LGALS3: variants seen among roughly 807,000 people sequenced by gnomAD.
LGALS3 encodes the protein galectin-3.
LGALS3 carries 18 observed loss-of-function variants against 20.7 expected under a neutral mutation model. That is an observed-to-expected ratio of 0.87 (90% CI 0.60 to 1.29). The LOEUF (loss-of-function observed/expected upper bound fraction) is 1.29, where lower values mean the gene tolerates loss of function less well. Among genes scored for constraint, LGALS3 ranks in the 50% most tolerant of loss-of-function variants. The pLI is 0.00. For synonymous variants in LGALS3, 112 were observed against 119.6 expected (o/e 0.94, Z 0.42); for missense variants, 315 against 314.7 (o/e 1.00, Z -0.01).
chr14:55,140,049 C>T (rs17128230), intron 3 of LGALS3, among the ~76,000 whole-genome samples: 12,822 of 151,350 alleles, frequency 0.085, 1,403 homozygotes, highest in African/African-American at 0.25. Flanking sequence ...TTGGGATGGC[C>T]GTAGTAATGA....
At chr14:55,133,175 T>C (rs1881280861) in intron 1 of LGALS3, among the ~76,000 whole-genome samples, 1 of 150,176 alleles carries the variant, frequency 6.7e-6, no homozygotes, top group Admixed American at 6.6e-5. Flanking sequence ...GACTGTACTT[T>C]AAAATTTCAA....
At chr14:55,140,567 T>C (rs1881585614) in intron 4 of LGALS3, 1 of 480,158 alleles carries the variant, frequency 2.1e-6, no homozygotes, top group African/African-American at 2.0e-5. Context: ...ATAATTTTGC[T>C]AAGCATCATG....
chr14:55,131,040 T>G (rs906336636), intron 1 of LGALS3, among the ~76,000 whole-genome samples: 10 of 152,234 alleles, frequency 6.6e-5, no homozygotes, highest in Admixed American at 5.2e-4. Flanking sequence ...TACCCCATCC[T>G]TGATCTTTGG....
chr14:55,144,520 G>A (rs1594656115), intron 5 of LGALS3, among the ~76,000 whole-genome samples: 2 of 129,674 alleles, frequency 1.5e-5, no homozygotes, highest in Admixed American at 1.5e-4. Context: ...TAATAAATTT[G>A]CTGCTTTAAA....
At position 55,138,231 on chromosome 14, in the gene LGALS3, G is replaced by A. The variant is rs945251343; in HGVS notation, c.205G>A (p.Ala69Thr). Residue 69 changes from alanine (A) to threonine (T), a missense_variant, in exon 3 of 6, where the codon GCT becomes ACT. Coordinates refer to ENST00000254301, the MANE Select transcript of LGALS3 (RefSeq NM_002306.4). ...AGGCGCCTACCCTGGAGCACCTGGA[G>A]CTTATCCCGGAGCACCTGCACCTGG... ...PPGAYPGAPGAYPGAPAPGVY... is the reference protein window; with the variant it reads ...PPGAYPGAPGTYPGAPAPGVY... 3 of 1,612,762 alleles carry A rather than the reference G, an allele frequency of 1.9e-6. No individual in the cohort carries two copies. Among genetic ancestry groups the A allele is most frequent in the Admixed American group, 3.3e-5 (2 of 60,004 alleles).
At chr14:55,133,010 A>G (rs1352794311) in intron 1 of LGALS3, among the ~76,000 whole-genome samples, 1 of 152,204 alleles carries the variant, frequency 6.6e-6, no homozygotes, top group Non-Finnish European at 1.5e-5. Flanking sequence ...TCAATATTCA[A>G]TATTATTTTG....
chr14:55,133,332 AG>A (rs1349741942), intron 1 of LGALS3, among the ~76,000 whole-genome samples: 2 of 152,184 alleles, frequency 1.3e-5, no homozygotes, highest in African/African-American at 4.8e-5. Context: ...AGAACACAGT[AG>A]TCTCCCCCTT....
chr14:55,135,212 T>C (rs1265079240), intron 1 of LGALS3, among the ~76,000 whole-genome samples: 1 of 151,894 alleles, frequency 6.6e-6, no homozygotes, highest in Non-Finnish European at 1.5e-5. Flanking sequence ...GACTATGATA[T>C]AAATAATAGC....
At chr14:55,134,006 T>C (rs1290920196) in intron 1 of LGALS3, among the ~76,000 whole-genome samples, 3 of 152,272 alleles carry the variant, frequency 2.0e-5, no homozygotes, top group Non-Finnish European at 2.9e-5. Context: ...ACTAGCTAGA[T>C]TGGCGGTCCT....
intron 5 of LGALS3, 44 bp downstream of exon 5, chr14:55,142,793 A>T (rs1208614939): frequency 1.3e-6 from 2 of 1,489,854 alleles, no homozygotes; most frequent in Non-Finnish European, 1.9e-6. Flanking sequence ...TATATTTCTC[A>T]TGAGGAATCA....
At chr14:55,143,283 T>G (rs71412667) in intron 5 of LGALS3, among the ~76,000 whole-genome samples, 11 of 152,204 alleles carry the variant, frequency 7.2e-5, no homozygotes, top group Non-Finnish European at 1.6e-4. Flanking sequence ...TTCAACAAAT[T>G]AGATCCACAG....
Position 55,145,242 on chromosome 14 carries a change from C to T in LGALS3, c.724C>T (p.Leu242Phe), listed in dbSNP as rs766425373. 6.2e-7 allele frequency: 1 copy of T among 1,613,382 alleles called. No individual in the cohort carries two copies. Among genetic ancestry groups the T allele is most frequent in the Non-Finnish European group, 8.5e-7 (1 of 1,179,742 alleles). ...SKLGISGDID[L>F]TSASYTMI ...ACTGGGAATTTCTGGTGACATAGAC[C>T]TCACCAGTGCTTCATATACCATGAT... The change falls in exon 6 of 6, where the codon CTC (leucine) becomes TTC (phenylalanine). Residue 242 changes from leucine to phenylalanine, a missense_variant. Transcript: ENST00000254301.
chr14:55,131,646 A>C (rs1471129098), intron 1 of LGALS3, among the ~76,000 whole-genome samples: 2 of 152,174 alleles, frequency 1.3e-5, no homozygotes, highest in African/African-American at 2.4e-5. Context: ...CTTCTCATTA[A>C]ATTCTGAGTG....
At chr14:55,142,106 T>G (rs1594654468) in intron 4 of LGALS3, among the ~76,000 whole-genome samples, 1 of 152,362 alleles carries the variant, frequency 6.6e-6, no homozygotes, top group East Asian at 1.9e-4. Flanking sequence ...TTAGAGGAAC[T>G]AGGGCTTCTG....
chr14:55,138,513 T>C (rs1478063628), intron 3 of LGALS3, 145 bp downstream of exon 3: 2 of 858,680 alleles, frequency 2.3e-6, no homozygotes, highest in African/African-American at 3.3e-5. Context: ...GTGTTCATAT[T>C]GAGCTTATTG....
In LGALS3 at chr14:55,140,331, A is replaced by T; in HGVS notation, c.399A>T (p.Thr133=). The T allele has an allele frequency of 1.2e-6, 2 of 1,613,694 alleles. No individual in the cohort carries two copies. The highest frequency in any genetic ancestry group is 1.7e-6 in the Non-Finnish European group (2 of 1,179,780). Residue 133 remains threonine, a synonymous_variant, in exon 4 of 6, where the codon ACA becomes ACT. Transcript: ENST00000254301. ...GAGTGGTGCCTCGCATGCTGATAACAATTCTGGGCACGGTGAAGCCCAATG... is the reference window on the plus strand; with the variant it reads ...GAGTGGTGCCTCGCATGCTGATAACTATTCTGGGCACGGTGAAGCCCAATG... The part of the protein sequence containing the change: ...PGGVVPRMLI[T]ILGTVKPNAN...
intron 4 of LGALS3, among the ~76,000 whole-genome samples, chr14:55,142,158 T>C (rs1392062761): frequency 6.6e-6 from 1 of 152,222 alleles, no homozygotes; most frequent in Non-Finnish European, 1.5e-5. Context: ...CTGTTAACTA[T>C]ATAGCTGGCT....
At position 55,137,382 on chromosome 14, in the gene LGALS3, C is replaced by T. The variant is rs748824567; in HGVS notation, c.9C>T (p.Asp3=). Residue 3 remains aspartate, a synonymous_variant, in exon 2 of 6, where the codon GAC becomes GAT. Coordinates refer to ENST00000254301, the MANE Select transcript of LGALS3 (RefSeq NM_002306.4). MA[D]NFSLHDALSG... is the part of the protein sequence containing the mutation. ...TTGTTTCTTTCAGGAAAATGGCAGA[C>T]AATTTTTCGGTAAGTGTTTTATGCC... is the stretch of plus-strand genomic sequence containing the variant. 6.2e-7 allele frequency: 1 copy of T among 1,614,080 alleles called. No individual in the cohort carries two copies. The highest frequency in any genetic ancestry group is 1.7e-5 in the Admixed American group (1 of 60,022).
intron 1 of LGALS3, among the ~76,000 whole-genome samples, chr14:55,131,237 C>T (rs1881223590): frequency 6.6e-6 from 1 of 152,196 alleles, no homozygotes; most frequent in Non-Finnish European, 1.5e-5. Context: ...TGGATTGACC[C>T]CGAAAACTAG....
Sources: gnomAD v4.1 joint callset for allele counts (sites outside exome capture counted in the v4.1 genomes callset) on GRCh38, gnomAD v4.1.1 for gene constraint, MANE v1.5 for transcripts, NCBI Gene and HGNC (gene_info 2026-07-23, HGNC 2026-07-21) for gene names.